The following NCMAP variants were observed in gnomAD, a reference collection of about 807,000 sequenced individuals.
NCMAP encodes noncompact myelin-associated protein.
In NCMAP, 8 loss-of-function variants were observed where a neutral mutation model predicts 7.8. The observed-to-expected ratio is 1.02, with a 90% CI of 0.60 to 1.84. The LOEUF (loss-of-function observed/expected upper bound fraction) is 1.84. Ranked by LOEUF, NCMAP falls within the 40% of genes most tolerant of loss-of-function variation. The pLI, the probability that NCMAP is intolerant of heterozygous loss-of-function variation, is 0.00. For missense variants in NCMAP, 112 were observed against 131.4 expected (o/e 0.85, Z 0.72); for synonymous variants, 41 against 52.9 (o/e 0.78, Z 0.98).
chr1:24,561,682 G>A (rs562512847), intron 1 of NCMAP, among the ~76,000 whole-genome samples: 6 of 152,072 alleles, frequency 3.9e-5, no homozygotes, highest in Admixed American at 6.5e-5. Context: ...AGACTGAGGC[G>A]GGCAGATCTC....
chr1:24,563,251 G>A (rs1651105309), intron 1 of NCMAP, among the ~76,000 whole-genome samples: 1 of 152,228 alleles, frequency 6.6e-6, no homozygotes, highest in South Asian at 2.1e-4. Context: ...GCCGGGCAAG[G>A]TGGCTTGCGC....
rs1017860178 is a variant in NCMAP, at chr1:24,586,183, A to G, written c.-7-9241A>G. On this transcript the variant is annotated intron_variant, in intron 1 of 3. Transcript: ENST00000374392. ...GCTGGTCAGTGATGAGGCAAAGATGAAAATCCAGGTCTAGGCAACCCCAAA... is the reference window on the plus strand; with the variant it reads ...GCTGGTCAGTGATGAGGCAAAGATGGAAATCCAGGTCTAGGCAACCCCAAA... Among the ~76,000 whole-genome samples the G allele has an allele frequency of 5.9e-5, 9 of 152,200 alleles. No homozygotes were observed. In the South Asian group the frequency reaches 1.9e-3, roughly 32 times the overall value.
At chr1:24,559,851 C>A (rs982987288) in intron 1 of NCMAP, among the ~76,000 whole-genome samples, 3 of 152,222 alleles carry the variant, frequency 2.0e-5, no homozygotes, top group African/African-American at 7.2e-5. Flanking sequence ...GACGATAGTA[C>A]CCTCTGCAAT....
chr1:24,587,024 T>A (rs1322503394), intron 1 of NCMAP, among the ~76,000 whole-genome samples: 1 of 152,190 alleles, frequency 6.6e-6, no homozygotes, highest in African/African-American at 2.4e-5. Flanking sequence ...ACTTTTATAA[T>A]TCCTATTTCA....
chr1:24,603,618 C>A (rs1007645059), intron 3 of NCMAP, among the ~76,000 whole-genome samples: 1 of 152,092 alleles, frequency 6.6e-6, no homozygotes, highest in South Asian at 2.1e-4. Flanking sequence ...CCTCCTCCTG[C>A]CTGTATGTTG....
At chr1:24,582,623 G>C (rs943359562) in intron 1 of NCMAP, among the ~76,000 whole-genome samples, 8 of 152,172 alleles carry the variant, frequency 5.3e-5, no homozygotes, top group African/African-American at 1.9e-4. Context: ...CAGGCAGCTT[G>C]CAAGAAAAGG....
intron 1 of NCMAP, among the ~76,000 whole-genome samples, chr1:24,579,368 T>C (rs1651683267): frequency 6.6e-6 from 1 of 152,172 alleles, no homozygotes. Flanking sequence ...TTTTGTTTGC[T>C]GTCTGTCATG....
chr1:24,588,041 T>C (rs1490432155), intron 1 of NCMAP, among the ~76,000 whole-genome samples: 1 of 152,078 alleles, frequency 6.6e-6, no homozygotes, highest in Non-Finnish European at 1.5e-5. Context: ...CTGTCTTTAG[T>C]GAGAAAGATG....
At position 24,595,421 on chromosome 1, in the gene NCMAP, C is replaced by G; in HGVS notation, c.-7-3C>G. On this transcript the variant is annotated splice_polypyrimidine_tract_variant and splice_region_variant and intron_variant, in intron 1 of 3. Coordinates refer to ENST00000374392, the MANE Select transcript of NCMAP (RefSeq NM_001010980.5). ...AACAAAATATCTTCTTCTTTCTCAT[C>G]AGGATCGAGATGACCACAGCCACCC... The G allele has an allele frequency of 6.3e-7, 1 of 1,598,806 alleles. No individual in the cohort carries two copies. Among genetic ancestry groups the G allele is most frequent in the Non-Finnish European group, 8.6e-7 (1 of 1,167,124 alleles).
Position 24,605,912 on chromosome 1 carries a change from C to T in NCMAP, c.*165C>T. ...TTCCAGCAATCCTCAACCTTGTCTG[C>T]CCTGCCCTACCCCAACTGTGTCCAC... On this transcript the variant is annotated 3_prime_UTR_variant, in exon 4 of 4. Transcript: ENST00000374392. 1 of 758,970 alleles carries T rather than the reference C, an allele frequency of 1.3e-6. No individual in the cohort carries two copies. The highest frequency in any genetic ancestry group is 2.1e-6 in the Non-Finnish European group (1 of 483,474). 47.0% of individuals were successfully genotyped at this position (758,970 alleles called of 1,614,324 possible).
At chr1:24,582,414 T>C (rs1570527016) in intron 1 of NCMAP, among the ~76,000 whole-genome samples, 1 of 152,226 alleles carries the variant, frequency 6.6e-6, no homozygotes, top group Non-Finnish European at 1.5e-5. Flanking sequence ...ATTAAGTTCA[T>C]GACTTTGAGG....
chr1:24,602,129 A>G (rs1027205145), intron 3 of NCMAP, among the ~76,000 whole-genome samples: 13 of 152,084 alleles, frequency 8.5e-5, no homozygotes, highest in Non-Finnish European at 1.6e-4. Context: ...AGTTTACAAA[A>G]CTATATATAC....
At chr1:24,597,667 GAAAGAAAAGAA>G (rs1184268702) in intron 2 of NCMAP, among the ~76,000 whole-genome samples, 1 of 132,744 alleles carries the variant, frequency 7.5e-6, no homozygotes, top group African/African-American at 2.7e-5. Flanking sequence ...AAGAAAGAAA[GAAAGAAAAGAA>G]AAAGAAAGAA....
intron 1 of NCMAP, among the ~76,000 whole-genome samples, chr1:24,575,893 C>T (rs1390999154): frequency 2.9e-5 from 4 of 135,856 alleles, no homozygotes; most frequent in South Asian, 2.3e-4. Flanking sequence ...TGCAATGAGC[C>T]GAGATCGCAC....
rs1330339993 is a variant in NCMAP, at chr1:24,576,551, T to G, written c.-7-18873T>G. Among the ~76,000 whole-genome samples, 1 of 151,846 alleles carries G rather than the reference T, an allele frequency of 6.6e-6. No individual in the cohort carries two copies. The highest frequency in any genetic ancestry group is 2.4e-5 in the African/African-American group (1 of 41,316). Reference sequence around the variant, plus strand: ...CTCGGGGAGGGTGTCCTGAACCAAGTGAGAGGCTGGAAGAGTCACAAGGAG... The same window carrying G: ...CTCGGGGAGGGTGTCCTGAACCAAGGGAGAGGCTGGAAGAGTCACAAGGAG... On this transcript the variant is annotated intron_variant, in intron 1 of 3. Transcript: ENST00000374392. This position sits in a 1 kb window ranked among gnomAD's most constrained non-coding sequence, Gnocchi z 4.0.
At chr1:24,572,760 G>A (rs370076344) in intron 1 of NCMAP, among the ~76,000 whole-genome samples, 7 of 150,714 alleles carry the variant, frequency 4.6e-5, no homozygotes, top group South Asian at 2.1e-4. Context: ...CACTTGCCTC[G>A]CACGTTCCGC....
intron 1 of NCMAP, among the ~76,000 whole-genome samples, chr1:24,557,266 A>T (rs779361280): frequency 1.7e-4 from 26 of 152,142 alleles, no homozygotes; most frequent in Admixed American, 8.5e-4. Context: ...GAATTTACAG[A>T]TGGCTGGTTC....
intron 1 of NCMAP, among the ~76,000 whole-genome samples, chr1:24,558,135 G>C (rs1294451258): frequency 6.6e-6 from 1 of 152,238 alleles, no homozygotes; most frequent in Non-Finnish European, 1.5e-5. Flanking sequence ...AAGTGCAGGT[G>C]GAGACTGGAG....
At chr1:24,574,345 C>T (rs1651483520) in intron 1 of NCMAP, among the ~76,000 whole-genome samples, 1 of 151,354 alleles carries the variant, frequency 6.6e-6, no homozygotes, top group Admixed American at 6.6e-5. Context: ...TCTCAAACTC[C>T]TGACCTCAAG....
Sources: gnomAD v4.1 joint callset for allele counts (sites outside exome capture counted in the v4.1 genomes callset) on GRCh38, gnomAD v4.1.1 for gene constraint, Gnocchi (gnomAD v3.1) non-coding constraint, MANE v1.5 for transcripts, NCBI Gene and HGNC (gene_info 2026-07-23, HGNC 2026-07-21) for gene names.